The following L3MBTL4 variants were observed in gnomAD, a reference collection of about 807,000 sequenced individuals.
L3MBTL4 encodes lethal(3)malignant brain tumor-like protein 4.
Under a neutral mutation model 84.5 loss-of-function variants are expected in L3MBTL4, and 70 were observed. The ratio of observed to expected loss-of-function variants is 0.83; its 90% CI spans 0.68 to 1.01. The LOEUF (loss-of-function observed/expected upper bound fraction) is 1.01, where lower values mean the gene tolerates loss of function less well. L3MBTL4 is among the 50% of genes least tolerant of loss of function. The probability of loss-of-function intolerance (pLI) is 0.00; values close to 1 mark genes in which losing one functional copy is unlikely to be tolerated. For synonymous variants in L3MBTL4, 274 were observed against 259.8 expected (o/e 1.05, Z -0.52); for missense variants, 715 against 754.8 (o/e 0.95, Z 0.62).
chr18:6,114,878 G>A (rs1260629170), intron 14 of L3MBTL4, among the ~76,000 whole-genome samples: 2 of 151,398 alleles, frequency 1.3e-5, no homozygotes, highest in Non-Finnish European at 1.5e-5. Context: ...TACCTGCAAC[G>A]GTGGTGCAGG....
At chr18:6,148,385 A>C (rs2042742900) in intron 13 of L3MBTL4, among the ~76,000 whole-genome samples, 1 of 152,186 alleles carries the variant, frequency 6.6e-6, no homozygotes, top group South Asian at 2.1e-4. Context: ...AGAAGGGATA[A>C]AATTGTGAGA....
intron 16 of L3MBTL4, among the ~76,000 whole-genome samples, chr18:6,022,062 C>G (rs1299348104): frequency 6.6e-6 from 1 of 152,210 alleles, no homozygotes; most frequent in African/African-American, 2.4e-5. Flanking sequence ...TTCTAATAAA[C>G]ATTTTCTCTG....
chr18:5,974,437 C>CAT (rs1555620711), intron 16 of L3MBTL4, among the ~76,000 whole-genome samples: 1 of 131,374 alleles, frequency 7.6e-6, no homozygotes. Context: ...GCAATAAACA[C>CAT]ACTGGAACCT....
intron 4 of L3MBTL4, among the ~76,000 whole-genome samples, chr18:6,297,504 A>G (rs972068827): frequency 2.0e-5 from 3 of 152,198 alleles, no homozygotes; most frequent in African/African-American, 4.8e-5. Context: ...TTTCTACACT[A>G]TATTTGCCAC....
chr18:6,363,274 T>TA (rs2053787825), intron 1 of L3MBTL4, among the ~76,000 whole-genome samples: 1 of 152,160 alleles, frequency 6.6e-6, no homozygotes, highest in African/African-American at 2.4e-5. Context: ...AACCCAGGTA[T>TA]GAACCGTCCA....
intron 13 of L3MBTL4, among the ~76,000 whole-genome samples, chr18:6,141,896 T>C (rs1482573090): frequency 6.6e-6 from 1 of 152,230 alleles, no homozygotes; most frequent in African/African-American, 2.4e-5. Flanking sequence ...ATTTTTACCC[T>C]GGCCTACATG....
chr18:6,130,331 A>T (rs2059834795), intron 14 of L3MBTL4, among the ~76,000 whole-genome samples: 1 of 151,952 alleles, frequency 6.6e-6, no homozygotes, highest in African/African-American at 2.4e-5. Flanking sequence ...AATTTCCATC[A>T]TTATTTTTGG....
At chr18:6,033,723 T>C (rs1292023530) in intron 16 of L3MBTL4, among the ~76,000 whole-genome samples, 1 of 152,256 alleles carries the variant, frequency 6.6e-6, no homozygotes, top group Non-Finnish European at 1.5e-5. Flanking sequence ...ATTCTATAGC[T>C]GTTTTCTTTG....
At chr18:6,042,318 A>G (rs1325053970) in intron 16 of L3MBTL4, among the ~76,000 whole-genome samples, 1 of 152,026 alleles carries the variant, frequency 6.6e-6, no homozygotes, top group East Asian at 1.9e-4. Context: ...TTGACACTGG[A>G]ACACTAAGTG....
At chr18:6,065,450 A>G (rs939196908) in intron 16 of L3MBTL4, among the ~76,000 whole-genome samples, 3 of 152,014 alleles carry the variant, frequency 2.0e-5, no homozygotes, top group Admixed American at 6.6e-5. Context: ...TGTTTGGTAG[A>G]CTTCAGCTGT....
At chr18:6,064,515 G>C (rs1485434799) in intron 16 of L3MBTL4, among the ~76,000 whole-genome samples, 1 of 151,176 alleles carries the variant, frequency 6.6e-6, no homozygotes, top group African/African-American at 2.4e-5. Context: ...CCACATGTTT[G>C]TGCCATCTAT....
Position 6,239,802 on chromosome 18 carries a change from A to C in L3MBTL4, c.623T>G (p.Leu208Trp). The change falls in exon 9 of 19, where the codon TTG becomes TGG. Residue 208 changes from leucine to tryptophan, a missense_variant. Leu to Trp is a moderately conservative substitution (Grantham distance 61). Coordinates refer to ENST00000317931, the MANE Select transcript of L3MBTL4 (RefSeq NM_001330559.2). Reference sequence around the variant, plus strand: ...ATCTGCTATGGTCGCCACACACACCAAGGAAGGGTTCTTCCTGTCCACGGC... The same window carrying C: ...ATCTGCTATGGTCGCCACACACACCCAGGAAGGGTTCTTCCTGTCCACGGC... ...LEAVDRKNPS[L>W]VCVATIADIV... 1 of 1,614,118 alleles carries C rather than the reference A, an allele frequency of 6.2e-7. No individual in the cohort carries two copies. The highest frequency in any genetic ancestry group is 8.5e-7 in the Non-Finnish European group (1 of 1,179,950).
intron 14 of L3MBTL4, among the ~76,000 whole-genome samples, chr18:6,098,282 C>G (rs1433395559): frequency 2.0e-5 from 3 of 152,166 alleles, no homozygotes; most frequent in African/African-American, 7.2e-5. Flanking sequence ...AGCTTCCCAG[C>G]CTGTGTGCGG....
chr18:5,958,145 GAAGAAGAAGAAGAAC>G lies in L3MBTL4; in HGVS notation c.1678-1773_1678-1759del, dbSNP rs1567912151. ...AGAAGAAGAAAAAGAAGAAGAAGAA[GAAGAAGAAGAAGAAC>G]AAGAAGAAGAAGAAGACGACGAAGA... On this transcript the variant is annotated intron_variant, in intron 18 of 18. Transcript: ENST00000317931. Among the ~76,000 whole-genome samples the G allele has an allele frequency of 1.4e-3, 102 of 71,108 alleles. 3 individuals carry two copies. The highest frequency in any genetic ancestry group is 4.5e-3 in the African/African-American group (91 of 20,112). The allele number at this position is 71,108 out of a possible 152,430, so 46.6% of individuals were successfully genotyped here.
chr18:6,035,266 G>T (rs1360081702), intron 16 of L3MBTL4, among the ~76,000 whole-genome samples: 1 of 152,122 alleles, frequency 6.6e-6, no homozygotes, highest in East Asian at 1.9e-4. Context: ...TTCTTCTAGG[G>T]TTTTTATGGT....
chr18:6,247,988 T>C (rs1344797221), intron 5 of L3MBTL4, among the ~76,000 whole-genome samples: 1 of 152,098 alleles, frequency 6.6e-6, no homozygotes, highest in East Asian at 1.9e-4. Flanking sequence ...GTCCAATTTC[T>C]TCACTAGTTA....
chr18:5,983,440 CT>C (rs964535400), intron 16 of L3MBTL4, among the ~76,000 whole-genome samples: 6 of 152,090 alleles, frequency 3.9e-5, no homozygotes, highest in Admixed American at 2.0e-4. Context: ...CAACACAACC[CT>C]TTTCTTAATT....
chr18:6,206,750 A>T (rs1332589653), intron 12 of L3MBTL4, among the ~76,000 whole-genome samples: 1 of 152,180 alleles, frequency 6.6e-6, no homozygotes, highest in Non-Finnish European at 1.5e-5. Flanking sequence ...AGAAAAAAAT[A>T]TGTATTTCTT....
chr18:6,185,240 T>TGCTG (rs2044667434), intron 12 of L3MBTL4, among the ~76,000 whole-genome samples: 2 of 152,212 alleles, frequency 1.3e-5, no homozygotes, highest in Admixed American at 6.5e-5. Flanking sequence ...GCCAGGGCCA[T>TGCTG]ACACATGCTG....
Sources: allele counts gnomAD v4.1 joint callset (sites outside exome capture counted in the v4.1 genomes callset), GRCh38; gene constraint gnomAD v4.1.1; transcripts MANE v1.5; gene names NCBI Gene and HGNC (gene_info 2026-07-23, HGNC 2026-07-21).